DPYD: variants seen among roughly 807,000 people sequenced by gnomAD.
DPYD encodes the protein dihydropyrimidine dehydrogenase [NADP(+)].
In DPYD, 109 loss-of-function variants were observed where a neutral mutation model predicts 116.2. That is an observed-to-expected ratio of 0.94 (90% CI 0.80 to 1.10). DPYD has a LOEUF of 1.10. DPYD is among the 50% of genes least tolerant of loss of function. The pLI is 0.00. For missense variants in DPYD, 1,302 were observed against 1,254.5 expected (o/e 1.04, Z -0.57); for synonymous variants, 440 against 432.0 (o/e 1.02, Z -0.23).
chr1:97,879,068 T>C, intron 2 of DPYD, among the ~76,000 whole-genome samples: 1 of 152,006 alleles, frequency 6.6e-6, no homozygotes, highest in Non-Finnish European at 1.5e-5. Context: ...TCTCTGGCAA[T>C]TGCATAGGTT....
In DPYD at chr1:97,381,762, T is replaced by C. The variant is rs143261307; in HGVS notation, c.1974+631A>G. ...CTCCAGACTATTTTCCATGACAGCA[T>C]GATGGACATAAGTGTATAATTTTAA... On this transcript the variant is annotated intron_variant, in intron 15 of 22. Transcript: ENST00000370192. Among the ~76,000 whole-genome samples the C allele has an allele frequency of 4.5e-4, 68 of 152,286 alleles. 2 individuals are homozygous for C. The East Asian group carries it at 0.013, about 29-fold the overall frequency.
intron 16 of DPYD, among the ~76,000 whole-genome samples, chr1:97,361,386 T>A (rs1670716972): frequency 6.6e-6 from 1 of 151,474 alleles, no homozygotes; most frequent in Admixed American, 6.6e-5. Context: ...CAAAGAGGAG[T>A]TGATACCATT....
chr1:97,301,763 T>G (rs1317455663), intron 18 of DPYD, among the ~76,000 whole-genome samples: 1 of 151,952 alleles, frequency 6.6e-6, no homozygotes, highest in African/African-American at 2.4e-5. Context: ...GACTGATTCT[T>G]AACCAGCTCT....
intron 5 of DPYD, chr1:97,720,480 TC>T (rs1447337891): frequency 1.0e-6 from 1 of 993,076 alleles, no homozygotes; most frequent in Non-Finnish European, 1.2e-6. Context: ...AGAAATTAAA[TC>T]CCAGAATTTA....
At position 97,542,087 on chromosome 1, in the gene DPYD, T is replaced by C. The variant is rs540218628; in HGVS notation, c.1524+7473A>G. 3.5e-4 allele frequency among the ~76,000 whole-genome samples: 53 copies of C among 152,300 alleles called. 1 individual carries two copies. In the South Asian group the frequency reaches 8.1e-3, roughly 23 times the overall value. ...ATCTGACACTACCATATCATTTCTATACATGAACAATTCCTACCACATTAC... is the reference window on the plus strand; with the variant it reads ...ATCTGACACTACCATATCATTTCTACACATGAACAATTCCTACCACATTAC... On this transcript the variant is annotated intron_variant, in intron 12 of 22. Transcript: ENST00000370192.
intron 10 of DPYD, among the ~76,000 whole-genome samples, chr1:97,585,342 A>T (rs1654019004): frequency 6.6e-6 from 1 of 152,222 alleles, no homozygotes; most frequent in Admixed American, 6.5e-5. Context: ...GGAAGCCTTC[A>T]AGAGAAAATG....
chr1:97,539,927 C>T (rs1389601589), intron 12 of DPYD, among the ~76,000 whole-genome samples: 1 of 152,084 alleles, frequency 6.6e-6, no homozygotes, highest in Admixed American at 6.6e-5. Flanking sequence ...TGTCTATATG[C>T]TAATACTAGA....
At chr1:97,580,364 G>A (rs963184747) in intron 10 of DPYD, among the ~76,000 whole-genome samples, 2 of 152,254 alleles carry the variant, frequency 1.3e-5, no homozygotes, top group South Asian at 2.1e-4. Flanking sequence ...GATAAACCTA[G>A]AAAATATTAT....
chr1:97,661,294 C>G (rs980767191), intron 8 of DPYD, among the ~76,000 whole-genome samples: 2 of 152,130 alleles, frequency 1.3e-5, no homozygotes, highest in Non-Finnish European at 2.9e-5. Flanking sequence ...AGTGTTCTCT[C>G]CACCTCCTTC....
intron 11 of DPYD, among the ~76,000 whole-genome samples, chr1:97,563,949 G>T (rs149807762): frequency 1.3e-5 from 2 of 151,964 alleles, no homozygotes; most frequent in Non-Finnish European, 2.9e-5. Flanking sequence ...AACATATTTC[G>T]TAATAGAAAG....
intron 8 of DPYD, among the ~76,000 whole-genome samples, chr1:97,632,272 G>A (rs909390635): frequency 2.6e-5 from 4 of 152,100 alleles, no homozygotes; most frequent in Non-Finnish European, 5.9e-5. Flanking sequence ...AGTCGCACAT[G>A]CTATACATCA....
At chr1:97,563,758 G>C (rs537904636) in intron 11 of DPYD, among the ~76,000 whole-genome samples, 1 of 152,280 alleles carries the variant, frequency 6.6e-6, no homozygotes, top group South Asian at 2.1e-4. Context: ...TGTAAGTGAT[G>C]TGGTGTTGAT....
chr1:97,786,470 G>A (rs1310609484), intron 3 of DPYD, among the ~76,000 whole-genome samples: 1 of 152,098 alleles, frequency 6.6e-6, no homozygotes. Context: ...TTATTGTAAT[G>A]TTCTCATCTA....
chr1:97,785,123 T>C (rs573058552), intron 3 of DPYD, among the ~76,000 whole-genome samples: 1 of 152,334 alleles, frequency 6.6e-6, no homozygotes, highest in African/African-American at 2.4e-5. Context: ...ATATAGCTAA[T>C]ACAAACTTTT....
At chr1:97,094,689 T>C (rs2101586275) in intron 21 of DPYD, among the ~76,000 whole-genome samples, 1 of 152,176 alleles carries the variant, frequency 6.6e-6, no homozygotes, top group African/African-American at 2.4e-5. Flanking sequence ...GACCCCAAGA[T>C]ATGGTGACAC....
At chr1:97,628,564 T>C (rs1282836067) in intron 8 of DPYD, among the ~76,000 whole-genome samples, 6 of 152,118 alleles carry the variant, frequency 3.9e-5, no homozygotes, top group African/African-American at 9.7e-5. Flanking sequence ...CAGTTGATTA[T>C]AGAAAATTCA....
At chr1:97,764,857 C>T (rs1042393241) in intron 3 of DPYD, among the ~76,000 whole-genome samples, 3 of 152,060 alleles carry the variant, frequency 2.0e-5, no homozygotes, top group African/African-American at 7.2e-5. Context: ...ATCCTGTGAA[C>T]AGTGCCCAAC....
intron 16 of DPYD, among the ~76,000 whole-genome samples, chr1:97,339,238 T>C (rs1275242374): frequency 6.6e-6 from 1 of 152,060 alleles, no homozygotes; most frequent in Admixed American, 6.5e-5. Context: ...TCAGCTTCTA[T>C]CAAATAGAAG....
chr1:97,271,820 T>C (rs76946604), intron 18 of DPYD, among the ~76,000 whole-genome samples: 2 of 152,312 alleles, frequency 1.3e-5, no homozygotes, highest in African/African-American at 4.8e-5. Context: ...ACACTTTGAA[T>C]AATTGATCTC....
Sources: allele counts gnomAD v4.1 joint callset (sites outside exome capture counted in the v4.1 genomes callset), GRCh38; gene constraint gnomAD v4.1.1; transcripts MANE v1.5; gene names NCBI Gene and HGNC (gene_info 2026-07-23, HGNC 2026-07-21).